RASGEF1C: variants seen among roughly 807,000 people sequenced by gnomAD.
RASGEF1C encodes the protein RasGEF domain family member 1C.
RASGEF1C carries 27 observed loss-of-function variants against 58.1 expected under a neutral mutation model. The observed-to-expected ratio is 0.46, with a 90% CI of 0.34 to 0.64. The LOEUF is 0.64. RASGEF1C is among the 30% of genes least tolerant of loss of function. The pLI is 0.01. For synonymous variants in RASGEF1C, 243 were observed against 246.3 expected (o/e 0.99, Z 0.13); for missense variants, 502 against 605.1 (o/e 0.83, Z 1.79).
rs950779011 is a variant in RASGEF1C at position 180,155,276 on chromosome 5, T to G, written c.-6-17218A>C. On this transcript the variant is annotated intron_variant, in intron 1 of 13. Transcript: ENST00000361132. The surrounding 1 kb of genome is among the most constrained non-coding windows in gnomAD (Gnocchi z 5.2). ...GAAAGCCTCTGTGGTCCTCCTTTTC[T>G]CTCTCCTTGGAAGAGCCTGGAGCCT... Among the ~76,000 whole-genome samples the G allele has an allele frequency of 3.3e-5, 5 of 152,272 alleles. No individual in the cohort carries two copies. The highest frequency in any genetic ancestry group is 5.9e-5 in the Non-Finnish European group (4 of 68,016).
intron 12 of RASGEF1C, among the ~76,000 whole-genome samples, chr5:180,106,203 G>A (rs1459940634): frequency 6.6e-6 from 1 of 152,214 alleles, no homozygotes; most frequent in Non-Finnish European, 1.5e-5. Flanking sequence ...TTGTCAAGAG[G>A]TTCTTTGCTA....
At position 180,193,196 on chromosome 5, in the gene RASGEF1C, C is replaced by T. The variant is rs530488431; in HGVS notation, c.-7+15832G>A. On this transcript the variant is annotated intron_variant, in intron 1 of 13. Coordinates refer to ENST00000361132, the MANE Select transcript of RASGEF1C (RefSeq NM_175062.4). ...TCAGCCTCCCGAGTAGCTGGGACTA[C>T]AGGTGCCCGCCACCGCACCCGGCTA... is the stretch of plus-strand genomic sequence containing the variant. Among the ~76,000 whole-genome samples the T allele has an allele frequency of 4.9e-5, 6 of 122,814 alleles. No homozygotes were observed. In the South Asian group the frequency reaches 2.0e-3, roughly 42 times the overall value. 80.6% of individuals were successfully genotyped at this position (122,814 alleles called of 152,430 possible). A position where few individuals can be genotyped will look rare whatever the true frequency, so the allele number is the denominator to read the frequency against.
At chr5:180,190,434 G>A (rs1413517895) in intron 1 of RASGEF1C, among the ~76,000 whole-genome samples, 5 of 133,858 alleles carry the variant, frequency 3.7e-5, no homozygotes, top group Non-Finnish European at 6.7e-5. Context: ...AGCTTGCAGT[G>A]AGCTGAGATC....
intron 6 of RASGEF1C, among the ~76,000 whole-genome samples, chr5:180,121,507 G>A (rs13159253): frequency 0.28 from 42,654 of 151,864 alleles, 6,040 homozygotes; most frequent in South Asian, 0.39. Context: ...TGGAGACGGG[G>A]TTTCACTGTG....
Position 180,103,108 on chromosome 5 carries a change from C to T in RASGEF1C, c.1304-965G>A, listed in dbSNP as rs189152973. Among the ~76,000 whole-genome samples, 112 of 152,250 alleles carry T rather than the reference C, an allele frequency of 7.4e-4. 1 individual carries two copies. The highest frequency in any genetic ancestry group is 6.8e-3 in the Middle Eastern group (2 of 294). On this transcript the variant is annotated intron_variant, in intron 12 of 13. Transcript: ENST00000361132. ...TAACTTTTTTTTGAGACAGAAGTCT[C>T]GCTCTGTCGCCCAGGCTGGAGTGCA...
intron 1 of RASGEF1C, among the ~76,000 whole-genome samples, chr5:180,188,342 A>C (rs188831700): frequency 2.6e-5 from 4 of 152,374 alleles, no homozygotes; most frequent in Admixed American, 1.3e-4. Context: ...GTAGTGAGTA[A>C]CTGCTAATGA....
rs1345456055 is a variant in RASGEF1C, at chr5:180,127,622, A to C, written c.701T>G (p.Leu234Arg). The stretch of plus-strand genomic sequence containing the variant: ...AGAGCCTCCTACCTTTGTGCTGGCC[A>C]GAGGGTCCTTGTTCACAAAGGCCTG... ...FVQAFVNKDPLASTKPCFSDK... is the reference protein window; with the variant it reads ...FVQAFVNKDPRASTKPCFSDK... Residue 234 changes from leucine (L) to arginine (R), a missense_variant, in exon 6 of 14, where the codon CTG (leucine) becomes CGG (arginine). Transcript: ENST00000361132. 3.7e-6 allele frequency: 6 copies of C among 1,612,698 alleles called. No homozygotes were observed. The highest frequency in any genetic ancestry group is 5.1e-6 in the Non-Finnish European group (6 of 1,179,570).
Position 180,152,628 on chromosome 5 carries a change from G to A in RASGEF1C, c.-6-14570C>T, listed in dbSNP as rs561980637. On this transcript the variant is annotated intron_variant, in intron 1 of 13. Transcript: ENST00000361132. ...ACCTAACGTTAAATGACGAGTTAAT[G>A]GGTGCAGCACACCAACATGGCACAT... is the stretch of plus-strand genomic sequence containing the variant. Among the ~76,000 whole-genome samples, 65 of 150,376 alleles carry A rather than the reference G, an allele frequency of 4.3e-4. 1 individual carries two copies. The highest frequency in any genetic ancestry group is 1.4e-3 in the African/African-American group (57 of 40,708).
chr5:180,168,326 G>A lies in RASGEF1C; in HGVS notation c.-6-30268C>T, dbSNP rs769981283. Among the ~76,000 whole-genome samples the A allele has an allele frequency of 8.5e-5, 13 of 152,188 alleles. No individual in the cohort carries two copies. The East Asian group carries it at 1.2e-3, about 14-fold the overall frequency. On this transcript the variant is annotated intron_variant, in intron 1 of 13. Coordinates refer to ENST00000361132, the MANE Select transcript of RASGEF1C (RefSeq NM_175062.4). The surrounding 1 kb of genome is among the most constrained non-coding windows in gnomAD (Gnocchi z 6.0). ...TGCATGCCTGTAATCGCAGCTACTC[G>A]GGAGACTGAGGCAGGAGAATTGCTT...
chr5:180,205,418 C>G (rs1424683559), intron 1 of RASGEF1C, among the ~76,000 whole-genome samples: 1 of 152,148 alleles, frequency 6.6e-6, no homozygotes, highest in African/African-American at 2.4e-5. Context: ...TTTCAAAACA[C>G]TCCTAGAAGT....
intron 1 of RASGEF1C, among the ~76,000 whole-genome samples, chr5:180,193,256 T>C (rs59714692): frequency 0.56 from 71,418 of 126,928 alleles, 21,789 homozygotes; most frequent in East Asian, 0.86. Context: ...GGGGTTTCAC[T>C]GTGTTAGCCA....
intron 1 of RASGEF1C, among the ~76,000 whole-genome samples, chr5:180,208,512 A>C (rs1026513692): frequency 1.4e-4 from 22 of 151,910 alleles, no homozygotes; most frequent in Non-Finnish European, 2.6e-4. Context: ...AGCAGACCCC[A>C]CTGTTCTCGC....
chr5:180,104,359 T>C (rs1220997870), intron 12 of RASGEF1C, among the ~76,000 whole-genome samples: 4 of 152,192 alleles, frequency 2.6e-5, no homozygotes, highest in Non-Finnish European at 4.4e-5. Context: ...TTTTTGCCCA[T>C]CTGCCAAATG....
chr5:180,182,204 CAAAAAA>C (rs1156831010), intron 1 of RASGEF1C, among the ~76,000 whole-genome samples: 270 of 22,764 alleles, frequency 0.012, 3 homozygotes, highest in Middle Eastern at 0.083. Flanking sequence ...GACTCCGTCT[CAAAAAA>C]AAAAAAAAAA....
chr5:180,153,714 T>C (rs1319268186), intron 1 of RASGEF1C, among the ~76,000 whole-genome samples: 2 of 152,240 alleles, frequency 1.3e-5, no homozygotes, highest in Non-Finnish European at 2.9e-5. Flanking sequence ...AAGTCAATCA[T>C]GTCTACAATT....
chr5:180,134,627 A>G (rs558025245), intron 4 of RASGEF1C, among the ~76,000 whole-genome samples: 39 of 142,636 alleles, frequency 2.7e-4, no homozygotes, highest in African/African-American at 1.0e-3. Context: ...CCATCAGTTC[A>G]CTCCTCTCCC....
Position 180,122,729 on chromosome 5 carries a change from G to A in RASGEF1C, c.715-1580C>T, listed in dbSNP as rs183176410. ...GCACTCCAGCCTGGGAAACAAGAGCGAAACTTCATCTAAAAAAAAAAAAAA... is the reference window on the plus strand; with the variant it reads ...GCACTCCAGCCTGGGAAACAAGAGCAAAACTTCATCTAAAAAAAAAAAAAA... On this transcript the variant is annotated intron_variant, in intron 6 of 13. Coordinates refer to ENST00000361132, the MANE Select transcript of RASGEF1C (RefSeq NM_175062.4). Among the ~76,000 whole-genome samples the A allele has an allele frequency of 3.1e-3, 348 of 113,166 alleles. 1 individual carries two copies. The highest frequency in any genetic ancestry group is 0.011 in the African/African-American group (334 of 30,260). 74.2% of individuals were successfully genotyped at this position (113,166 alleles called of 152,430 possible).
At chr5:180,141,389 G>C (rs1358094630) in intron 1 of RASGEF1C, among the ~76,000 whole-genome samples, 1 of 152,254 alleles carries the variant, frequency 6.6e-6, no homozygotes. Context: ...GCCTCAGAGA[G>C]GAAGGAGGTT....
intron 6 of RASGEF1C, among the ~76,000 whole-genome samples, chr5:180,122,682 A>T (rs912205224): frequency 1.7e-4 from 25 of 149,466 alleles, no homozygotes; most frequent in African/African-American, 4.7e-4. Context: ...CAGAGGTTGC[A>T]GTGAGCCGAG....
Sources: gnomAD v4.1 joint callset for allele counts (sites outside exome capture counted in the v4.1 genomes callset) on GRCh38, gnomAD v4.1.1 for gene constraint, Gnocchi (gnomAD v3.1) non-coding constraint, MANE v1.5 for transcripts, NCBI Gene and HGNC (gene_info 2026-07-23, HGNC 2026-07-21) for gene names.